The following NFIA variants were observed in gnomAD, a reference collection of about 807,000 sequenced individuals.
The protein encoded by NFIA is nuclear factor I A.
Under a neutral mutation model 62.8 loss-of-function variants are expected in NFIA, and 8 were observed. The ratio of observed to expected loss-of-function variants is 0.13; its 90% CI spans 0.07 to 0.23. The LOEUF (loss-of-function observed/expected upper bound fraction) is 0.23, where lower values mean the gene tolerates loss of function less well. NFIA is among the 10% of genes least tolerant of loss of function. NFIA has a pLI of 1.00. For synonymous variants in NFIA, 235 were observed against 238.1 expected (o/e 0.99, Z 0.12); for missense variants, 410 against 642.1 (o/e 0.64, Z 3.91).
At chr1:61,268,729 T>A (rs1453986293) in intron 2 of NFIA, among the ~76,000 whole-genome samples, 1 of 152,160 alleles carries the variant, frequency 6.6e-6, no homozygotes, top group Non-Finnish European at 1.5e-5. Context: ...TGAGAGCCTT[T>A]GAAAACAAAG....
At chr1:61,411,533 A>G (rs756799213) in intron 9 of NFIA, among the ~76,000 whole-genome samples, 4 of 152,082 alleles carry the variant, frequency 2.6e-5, no homozygotes, top group Admixed American at 6.5e-5. Context: ...CATTTATTCA[A>G]TAAATGTTTA....
intron 6 of NFIA, among the ~76,000 whole-genome samples, chr1:61,375,577 T>C (rs939140887): frequency 4.6e-5 from 7 of 152,164 alleles, no homozygotes; most frequent in African/African-American, 1.7e-4. Flanking sequence ...GGTAGCATGG[T>C]ACACTGAAAG....
intron 10 of NFIA, among the ~76,000 whole-genome samples, chr1:61,445,338 C>T (rs1235699718): frequency 6.6e-6 from 1 of 152,126 alleles, no homozygotes; most frequent in Non-Finnish European, 1.5e-5. Context: ...CAAGAAGCCT[C>T]CCCCTCATAT....
At chr1:61,167,052 A>G (rs1649621054) in intron 2 of NFIA, among the ~76,000 whole-genome samples, 1 of 152,168 alleles carries the variant, frequency 6.6e-6, no homozygotes, top group Non-Finnish European at 1.5e-5. Flanking sequence ...GAGGCAGGGG[A>G]ATGGCATGAA....
intron 3 of NFIA, among the ~76,000 whole-genome samples, chr1:61,311,337 G>T (rs1237683227): frequency 2.0e-5 from 3 of 152,112 alleles, no homozygotes; most frequent in Non-Finnish European, 4.4e-5. Context: ...GTTGCGGTGA[G>T]CCGAGATCGC....
intron 2 of NFIA, among the ~76,000 whole-genome samples, chr1:61,214,017 C>T (rs925243375): frequency 4.6e-5 from 7 of 152,128 alleles, no homozygotes; most frequent in African/African-American, 1.2e-4. Context: ...TGAGTTTCGT[C>T]GGAAGTATAG....
chr1:61,266,947 A>T (rs780105169), intron 2 of NFIA, among the ~76,000 whole-genome samples: 83 of 152,320 alleles, frequency 5.4e-4, no homozygotes, highest in East Asian at 3.9e-4. Flanking sequence ...TACTCTCTAG[A>T]GTCAGGTATT....
chr1:61,164,153 C>T (rs1321735726), intron 2 of NFIA, among the ~76,000 whole-genome samples: 3 of 151,580 alleles, frequency 2.0e-5, no homozygotes, highest in Non-Finnish European at 4.4e-5. Flanking sequence ...TTTATTTGCT[C>T]ACTAATACCA....
chr1:61,185,152 G>A (rs894367236), intron 2 of NFIA, among the ~76,000 whole-genome samples: 1 of 151,736 alleles, frequency 6.6e-6, no homozygotes, highest in African/African-American at 2.4e-5. Context: ...ACCCTGACAT[G>A]TGTTAAGTGA....
chr1:61,448,826 G>A (rs943774846), intron 10 of NFIA, among the ~76,000 whole-genome samples: 6 of 152,172 alleles, frequency 3.9e-5, no homozygotes, highest in African/African-American at 1.4e-4. Flanking sequence ...GAGACCAAAA[G>A]AAAAATGTAC....
At chr1:61,108,965 G>T (rs769741439) in intron 2 of NFIA, among the ~76,000 whole-genome samples, 2 of 151,650 alleles carry the variant, frequency 1.3e-5, no homozygotes, top group Non-Finnish European at 3.0e-5. Flanking sequence ...ATTATTTTAG[G>T]TATTTCAGGG....
chr1:61,101,581 C>T (rs557272484), intron 2 of NFIA, among the ~76,000 whole-genome samples: 3 of 152,024 alleles, frequency 2.0e-5, no homozygotes, highest in Admixed American at 6.5e-5. Context: ...AGAAAGGAAG[C>T]GAAGGCCTTG....
chr1:61,164,585 G>A (rs1182505688), intron 2 of NFIA, among the ~76,000 whole-genome samples: 11 of 151,982 alleles, frequency 7.2e-5, no homozygotes, highest in South Asian at 2.1e-4. Flanking sequence ...TCAGCCTCCC[G>A]AGTAGCTGGG....
chr1:61,138,987 C>T lies in NFIA; in HGVS notation c.559+50307C>T, dbSNP rs371105461. ...GGCAGATCACTTGAAGCCAGGAGAT[C>T]GAGACCAGCCTGGCCAACATGGTGA... On this transcript the variant is annotated intron_variant, in intron 2 of 10. Transcript: ENST00000403491. Among the ~76,000 whole-genome samples, 7 of 151,834 alleles carry T rather than the reference C, an allele frequency of 4.6e-5. No homozygotes were observed. The East Asian group carries it at 6.0e-4, about 13-fold the overall frequency.
chr1:61,303,895 T>C (rs1054017912), intron 3 of NFIA, among the ~76,000 whole-genome samples: 11 of 152,166 alleles, frequency 7.2e-5, no homozygotes, highest in Non-Finnish European at 1.5e-4. Flanking sequence ...AAAATCTCTT[T>C]ATGCTGTTCC....
intron 5 of NFIA, among the ~76,000 whole-genome samples, chr1:61,358,379 CTTTTTTTTTTTTT>C (rs34853369): frequency 1.1e-4 from 6 of 52,618 alleles, no homozygotes; most frequent in African/African-American, 3.4e-4. Flanking sequence ...TTCTTTCTTT[CTTTTTTTTTTTTT>C]TTTTTTTTTT....
chr1:61,209,685 A>G (rs893988351), intron 2 of NFIA, among the ~76,000 whole-genome samples: 2 of 151,326 alleles, frequency 1.3e-5, no homozygotes, highest in Admixed American at 6.6e-5. Context: ...CAACAACAAC[A>G]ACAACAACAA....
chr1:61,121,380 G>A (rs1646884004), intron 2 of NFIA, among the ~76,000 whole-genome samples: 1 of 152,054 alleles, frequency 6.6e-6, no homozygotes, highest in African/African-American at 2.4e-5. Context: ...ATCACAAACT[G>A]ACCCTCCTCC....
At chr1:61,226,569 T>C (rs536549564) in intron 2 of NFIA, among the ~76,000 whole-genome samples, 1 of 152,286 alleles carries the variant, frequency 6.6e-6, no homozygotes, top group Non-Finnish European at 1.5e-5. Flanking sequence ...AGTCCAAAGA[T>C]GGTTGAAAAG....
Sources: gnomAD v4.1 joint callset for allele counts (sites outside exome capture counted in the v4.1 genomes callset) on GRCh38, gnomAD v4.1.1 for gene constraint, MANE v1.5 for transcripts, NCBI Gene and HGNC (gene_info 2026-07-23, HGNC 2026-07-21) for gene names.